The following TMEM94 variants were observed in gnomAD, a reference collection of about 807,000 sequenced individuals.
TMEM94 encodes ER Mg2+ ATPase.
A neutral mutation model predicts 158.6 loss-of-function variants in TMEM94; 81 were observed. The observed-to-expected ratio is 0.51, with a 90% CI of 0.43 to 0.61. The LOEUF (loss-of-function observed/expected upper bound fraction) is 0.61, where lower values mean the gene tolerates loss of function less well. Ranked by LOEUF, TMEM94 falls within the 20% of genes least tolerant of loss-of-function variation. The pLI, the probability that TMEM94 is intolerant of heterozygous loss-of-function variation, is 0.00. For missense variants in TMEM94, 1,435 were observed against 1,762.0 expected (o/e 0.81, Z 3.32); for synonymous variants, 751 against 730.7 (o/e 1.03, Z -0.45).
chr17:75,497,008 G>A (rs935404611), intron 25 of TMEM94, 105 bp from the exon 26 acceptor site: 26 of 1,107,538 alleles, frequency 2.3e-5, no homozygotes, highest in Non-Finnish European at 3.4e-5. Flanking sequence ...CCTCTGGCAG[G>A]ATGTGAGCAT....
intron 1 of TMEM94, among the ~76,000 whole-genome samples, chr17:75,465,679 A>ATTTTTTTTTT (rs66618031): frequency 1.6e-5 from 2 of 124,848 alleles, no homozygotes; most frequent in African/African-American, 3.5e-5. Context: ...ATATATATAT[A>ATTTTTTTTTT]TTTTTTTTTA....
chr17:75,460,892 T>C (rs1003473171), intron 1 of TMEM94, among the ~76,000 whole-genome samples: 1 of 152,112 alleles, frequency 6.6e-6, no homozygotes, highest in Non-Finnish European at 1.5e-5. Context: ...TGCATTGTTG[T>C]GCAACCCTCA....
chr17:75,477,552 C>T (rs901079038), intron 2 of TMEM94, among the ~76,000 whole-genome samples: 12 of 152,116 alleles, frequency 7.9e-5, no homozygotes, highest in East Asian at 1.9e-4. Flanking sequence ...CCCAGCCAGC[C>T]GTTCTAATTA....
In TMEM94 at chr17:75,493,639, G is replaced by A. The variant is rs771283172; in HGVS notation, c.2189+46G>A. The stretch of plus-strand genomic sequence containing the variant: ...CAGCAGCAAGAGCAGTCGCGCTGCC[G>A]GGGCACCTGCCCTTCACAGGCAGGA... On this transcript the variant is annotated intron_variant, in intron 17 of 31. Transcript: ENST00000314256. 9.5e-5 allele frequency: 153 copies of A among 1,612,790 alleles called. No homozygotes were observed. The South Asian group carries it at 1.3e-3, about 14-fold the overall frequency.
At chr17:75,465,022 C>G (rs1169159985) in intron 1 of TMEM94, among the ~76,000 whole-genome samples, 1 of 151,864 alleles carries the variant, frequency 6.6e-6, no homozygotes, top group African/African-American at 2.4e-5. Context: ...TTGTTAGAGA[C>G]AGGGTCTCAC....
Position 75,492,466 on chromosome 17 carries a change from TC to T in TMEM94, c.1597-3del. Reference sequence around the variant, plus strand: ...CCGGGCTGAGGCTCTCCTCCACATTTCCCCCAGACCCAGCCTGGGATGGAGA... The same window carrying T: ...CCGGGCTGAGGCTCTCCTCCACATTTCCCCAGACCCAGCCTGGGATGGAGA... On this transcript the variant is annotated splice_polypyrimidine_tract_variant and splice_region_variant and intron_variant, in intron 14 of 31. Transcript: ENST00000314256. This position sits in a 1 kb window ranked among gnomAD's most constrained non-coding sequence, Gnocchi z 4.4. 6.4e-7 allele frequency: 1 copy of T among 1,564,758 alleles called. No homozygotes were observed. Among genetic ancestry groups the T allele is most frequent in the Non-Finnish European group, 8.7e-7 (1 of 1,151,692 alleles).
In TMEM94 at chr17:75,489,230, C is replaced by G; in HGVS notation, c.765-36C>G. ...CCCAAGGTGTAGGTTTCTAGCCTCT[C>G]TGCCAAGTGAGACTGACAGTCACTT... is the stretch of plus-strand genomic sequence containing the variant. On this transcript the variant is annotated intron_variant, in intron 7 of 31. Coordinates refer to ENST00000314256, the MANE Select transcript of TMEM94 (RefSeq NM_014738.6). This position sits in a 1 kb window ranked among gnomAD's most constrained non-coding sequence, Gnocchi z 5.0. 1 of 1,597,180 alleles carries G rather than the reference C, an allele frequency of 6.3e-7. No individual in the cohort carries two copies.
At chr17:75,497,721 T>G in intron 26 of TMEM94, 60 bp from the exon 27 acceptor site, 10 of 1,408,048 alleles carry the variant, frequency 7.1e-6, no homozygotes, top group Non-Finnish European at 1.0e-5. Context: ...GTTCCCTCTA[T>G]GAGAATTGAG....
Position 75,491,590 on chromosome 17 carries a change from C to A in TMEM94, c.1387-101C>A. ...GGCACCATTAGGATCTGCTTCTGGG[C>A]AGGTGAGGTGAAGACAAGGCAGCCA... On this transcript the variant is annotated intron_variant, in intron 13 of 31. Coordinates refer to ENST00000314256, the MANE Select transcript of TMEM94 (RefSeq NM_014738.6). The surrounding 1 kb of genome is among the most constrained non-coding windows in gnomAD (Gnocchi z 5.1). 1.9e-6 allele frequency: 3 copies of A among 1,549,780 alleles called. No homozygotes were observed. The highest frequency in any genetic ancestry group is 2.7e-6 in the Non-Finnish European group (3 of 1,131,554).
chr17:75,470,565 C>T (rs1257277501), intron 1 of TMEM94, among the ~76,000 whole-genome samples: 7 of 151,910 alleles, frequency 4.6e-5, no homozygotes, highest in African/African-American at 7.3e-5. Context: ...ATTAGCCGGG[C>T]GTGGTGGCGG....
Position 75,491,080 on chromosome 17 carries a change from T to C in TMEM94, c.1160T>C (p.Leu387Pro). 6.2e-7 allele frequency: 1 copy of C among 1,613,394 alleles called. No homozygotes were observed. Among genetic ancestry groups the C allele is most frequent in the Non-Finnish European group, 8.5e-7 (1 of 1,179,672 alleles). ...EMLRCIWGHF[L>P]RVLGGTSPTL... is the part of the protein sequence containing the mutation. Reference sequence around the variant, plus strand: ...CTGCGCTGCATTTGGGGCCACTTCCTGAGGGTGCTCGGGGGGACATCGCCA... The same window carrying C: ...CTGCGCTGCATTTGGGGCCACTTCCCGAGGGTGCTCGGGGGGACATCGCCA... Residue 387 changes from leucine (L) to proline (P), a missense_variant, in exon 12 of 32, where the codon CTG becomes CCG. Leu to Pro is a moderately conservative substitution (Grantham distance 98). Coordinates refer to ENST00000314256, the MANE Select transcript of TMEM94 (RefSeq NM_014738.6). This position sits in a 1 kb window ranked among gnomAD's most constrained non-coding sequence, Gnocchi z 5.1.
rs1467202602 is a variant in TMEM94, at chr17:75,491,764, G to A, written c.1460G>A (p.Gly487Asp). 1.9e-6 allele frequency: 3 copies of A among 1,613,930 alleles called. No homozygotes were observed. Among genetic ancestry groups the A allele is most frequent in the Admixed American group, 1.7e-5 (1 of 60,012 alleles). The change falls in exon 14 of 32, where the codon GGC becomes GAC. Residue 487 changes from glycine (G) to aspartate (D), a missense_variant. Coordinates refer to ENST00000314256, the MANE Select transcript of TMEM94 (RefSeq NM_014738.6). This position sits in a 1 kb window ranked among gnomAD's most constrained non-coding sequence, Gnocchi z 5.1. The stretch of plus-strand genomic sequence containing the variant: ...CACCTTTCCAATGAGCAGGAGCGTG[G>A]CGACTGGCCTGGCGAGGCTCCCAAG... Reference protein sequence around the residue: ...TLHLSNEQERGDWPGEAPKPP... With the variant: ...TLHLSNEQERDDWPGEAPKPP...
rs566455278 is a variant in TMEM94, at chr17:75,490,465, C to T, written c.1071+115C>T. On this transcript the variant is annotated intron_variant, in intron 10 of 31. Coordinates refer to ENST00000314256, the MANE Select transcript of TMEM94 (RefSeq NM_014738.6). ...ACCTTGGGCTCGGCATGTTGGTCAG[C>T]CTGGGCAGCTCTCCAGGCCTCGGGC... 6.7e-4 allele frequency: 829 copies of T among 1,241,006 alleles called. 1 individual carries two copies. The highest frequency in any genetic ancestry group is 8.2e-4 in the Non-Finnish European group (737 of 896,142). 76.9% of individuals were successfully genotyped at this position (1,241,006 alleles called of 1,614,324 possible). A position where few individuals can be genotyped will look rare whatever the true frequency, so the allele number is the denominator to read the frequency against.
chr17:75,496,923 A>G, intron 25 of TMEM94, 116 bp downstream of exon 25: 3 of 1,212,490 alleles, frequency 2.5e-6, no homozygotes, highest in Non-Finnish European at 3.6e-6. Context: ...GGGTCCCCCC[A>G]GAGCCTCTGT....
chr17:75,496,755 G>GT lies in TMEM94; in HGVS notation c.3270dup (p.Lys1091Ter). Reference sequence around the variant, plus strand: ...GCTCGGCATGCCACCTATGGCATCCGTAAGTGCTTCCTCTTCCTGCTGCAG... The same window carrying GT: ...GCTCGGCATGCCACCTATGGCATCCGTTAAGTGCTTCCTCTTCCTGCTGCAG... On this transcript the variant is annotated frameshift_variant, in exon 25 of 32. Coordinates refer to ENST00000314256, the MANE Select transcript of TMEM94 (RefSeq NM_014738.6). LOFTEE classifies it high-confidence loss of function. 4.3e-6 allele frequency: 7 copies of GT among 1,613,896 alleles called. No individual in the cohort carries two copies. Among genetic ancestry groups the GT allele is most frequent in the Non-Finnish European group, 5.9e-6 (7 of 1,180,012 alleles).
In TMEM94 at chr17:75,462,016, T is replaced by G. The variant is rs541334394; in HGVS notation, c.-107+5265T>G. Among the ~76,000 whole-genome samples, 129 of 126,638 alleles carry G rather than the reference T, an allele frequency of 1.0e-3. 5 individuals are homozygous for G. The East Asian group carries it at 0.012, about 12-fold the overall frequency. The allele number at this position is 126,638 out of a possible 152,430, so 83.1% of individuals were successfully genotyped here. A position where few individuals can be genotyped will look rare whatever the true frequency, so the allele number is the denominator to read the frequency against. On this transcript the variant is annotated intron_variant, in intron 1 of 31. Coordinates refer to ENST00000314256, the MANE Select transcript of TMEM94 (RefSeq NM_014738.6). ...TTTTTGTTTTGTTTTGTTTTGTTTTTTTTTTTTTTGAGGCAGAGTCTTCTT... is the reference window on the plus strand; with the variant it reads ...TTTTTGTTTTGTTTTGTTTTGTTTTGTTTTTTTTTGAGGCAGAGTCTTCTT...
In TMEM94 at chr17:75,493,741, G is replaced by A; in HGVS notation, c.2232G>A (p.Gly744=). The change falls in exon 18 of 32, where the codon GGG becomes GGA. Residue 744 remains glycine, a synonymous_variant. Coordinates refer to ENST00000314256, the MANE Select transcript of TMEM94 (RefSeq NM_014738.6). ...LDFYQRACLS[G]YCSAFAYKPM... ...TCTACCAGCGAGCCTGCCTGTCTGGGTATTGCTCTGCCTTCGCCTACAAGC... is the reference window on the plus strand; with the variant it reads ...TCTACCAGCGAGCCTGCCTGTCTGGATATTGCTCTGCCTTCGCCTACAAGC... The A allele has an allele frequency of 1.9e-6, 3 of 1,614,092 alleles. No individual in the cohort carries two copies. Among genetic ancestry groups the A allele is most frequent in the Non-Finnish European group, 2.5e-6 (3 of 1,180,040 alleles).
chr17:75,483,495 C>T (rs2051340387), intron 2 of TMEM94, among the ~76,000 whole-genome samples: 1 of 149,454 alleles, frequency 6.7e-6, no homozygotes, highest in South Asian at 2.1e-4. Flanking sequence ...GAGTCTAGCT[C>T]TGTCACCCAG....
intron 1 of TMEM94, among the ~76,000 whole-genome samples, chr17:75,456,967 C>G (rs552803905): frequency 6.6e-6 from 1 of 152,338 alleles, no homozygotes; most frequent in East Asian, 1.9e-4. Context: ...GACTCTTGCT[C>G]TCAGCCCTGG....
Sources: allele counts gnomAD v4.1 joint callset (sites outside exome capture counted in the v4.1 genomes callset), GRCh38; gene constraint gnomAD v4.1.1; non-coding constraint Gnocchi (gnomAD v3.1); transcripts MANE v1.5; gene names NCBI Gene and HGNC (gene_info 2026-07-23, HGNC 2026-07-21).